The following DBT variants were observed in gnomAD, a reference collection of about 807,000 sequenced individuals.
DBT encodes the protein lipoamide acyltransferase component of branched-chain alpha-keto acid dehydrogenase complex, mitochondrial.
In DBT, 40 loss-of-function variants were observed where a neutral mutation model predicts 51.3. The observed-to-expected ratio is 0.78, with a 90% CI of 0.61 to 1.02. DBT has a LOEUF of 1.02. Ranked by LOEUF, DBT falls within the 50% of genes least tolerant of loss-of-function variation. The pLI, the probability that DBT is intolerant of heterozygous loss-of-function variation, is 0.00. For missense variants in DBT, 510 were observed against 580.2 expected, an observed-to-expected ratio of 0.88 and a Z score of 1.24; for synonymous variants, 181 against 190.4, an observed-to-expected ratio of 0.95 and a Z score of 0.41.
chr1:100,223,151 T>C (rs1662970906), intron 4 of DBT, among the ~76,000 whole-genome samples: 1 of 152,162 alleles, frequency 6.6e-6, no homozygotes, highest in Admixed American at 6.5e-5. Context: ...TTACTCAATA[T>C]CCTCACTTTA....
In DBT at chr1:100,219,512, G is replaced by A. The variant is rs1332086487; in HGVS notation, c.434-765C>T. Among the ~76,000 whole-genome samples the A allele has an allele frequency of 3.9e-5, 6 of 152,148 alleles. 1 individual carries two copies. The South Asian group carries it at 1.2e-3, about 32-fold the overall frequency. ...CCTAACACTCTAGCAGGCCAAGGTG[G>A]GTGGATCACTTACTTGAGCCTAGGA... On this transcript the variant is annotated intron_variant, in intron 4 of 10. Coordinates refer to ENST00000370132, the MANE Select transcript of DBT (RefSeq NM_001918.5).
At chr1:100,239,776 T>A (rs1387114819) in intron 2 of DBT, among the ~76,000 whole-genome samples, 1 of 146,904 alleles carries the variant, frequency 6.8e-6, no homozygotes, top group African/African-American at 2.6e-5. Flanking sequence ...GGCAGGAGGA[T>A]CATTTGAGCC....
chr1:100,196,264 A>T lies in DBT; in HGVS notation c.1440T>A (p.Asp480Glu), dbSNP rs769122253. The T allele has an allele frequency of 2.5e-6, 4 of 1,613,826 alleles. No individual in the cohort carries two copies. The South Asian group carries it at 4.4e-5, about 18-fold the overall frequency. ...AATGTCTTATCAGTCTTCATTTCAG[A>T]TCTAGTAGCATAAAAGCTGGGTTTT... ...YLENPAFMLL[D>E]LK The change falls in exon 11 of 11, where the codon GAT becomes GAA. Residue 480 changes from aspartate (D) to glutamate (E), a missense_variant. Coordinates refer to ENST00000370132, the MANE Select transcript of DBT (RefSeq NM_001918.5).
intron 8 of DBT, among the ~76,000 whole-genome samples, chr1:100,208,756 A>G (rs1661945063): frequency 6.6e-6 from 1 of 151,446 alleles, no homozygotes; most frequent in Non-Finnish European, 1.5e-5. Context: ...AAAAGTACAA[A>G]AATTAGCTGG....
intron 3 of DBT, 54 bp from the exon 4 acceptor site, chr1:100,230,968 A>G (rs914307433): frequency 9.3e-7 from 1 of 1,072,406 alleles, no homozygotes; most frequent in Non-Finnish European, 1.4e-6. Context: ...AGTACAGATC[A>G]TATTAAGGAT....
intron 10 of DBT, among the ~76,000 whole-genome samples, chr1:100,205,639 A>C (rs930738424): frequency 7.2e-5 from 11 of 152,240 alleles, no homozygotes; most frequent in Non-Finnish European, 1.5e-4. Context: ...TACTATAAAG[A>C]CACATGCACA....
rs1053895588 is a variant in DBT, at chr1:100,187,865, G to A, written c.*8390C>T. ...AATGTGGAAGCTGTGACAAATTTTT[G>A]TATTTAGAAAGTATGACAATCTGAA... On this transcript the variant is annotated 3_prime_UTR_variant, in exon 11 of 11. Transcript: ENST00000370132. The A allele has an allele frequency of 2.0e-5, 3 of 152,078 alleles. No individual in the cohort carries two copies. Among genetic ancestry groups the A allele is most frequent in the African/African-American group, 7.2e-5 (3 of 41,408 alleles). The allele number at this position is 152,078 out of a possible 1,614,324, so 9.4% of individuals were successfully genotyped here. A position where few individuals can be genotyped will look rare whatever the true frequency, so the allele number is the denominator to read the frequency against.
intron 3 of DBT, among the ~76,000 whole-genome samples, chr1:100,234,750 A>G (rs1003983508): frequency 1.3e-5 from 2 of 152,202 alleles, no homozygotes; most frequent in African/African-American, 4.8e-5. Context: ...AGACATAACC[A>G]TAAGGTATGT....
At chr1:100,235,597 TCAGG>T (rs1663818102) in intron 2 of DBT, 86 bp from the exon 3 acceptor site, 1 of 745,084 alleles carries the variant, frequency 1.3e-6, no homozygotes, top group Admixed American at 2.0e-5. Flanking sequence ...GAGAATGTTC[TCAGG>T]CAGAGGCAGA....
chr1:100,225,363 AG>A (rs1194492212), intron 4 of DBT, among the ~76,000 whole-genome samples: 15 of 152,008 alleles, frequency 9.9e-5, no homozygotes, highest in Admixed American at 9.8e-4. Flanking sequence ...TCTTTCACTC[AG>A]CATAATTTCT....
At chr1:100,237,026 G>A (rs774971069) in intron 2 of DBT, among the ~76,000 whole-genome samples, 4 of 152,204 alleles carry the variant, frequency 2.6e-5, no homozygotes, top group African/African-American at 7.2e-5. Flanking sequence ...TCAGGAGGCC[G>A]AGTCTATTTC....
intron 1 of DBT, chr1:100,249,073 A>T: frequency 1.0e-6 from 1 of 987,464 alleles, no homozygotes. Flanking sequence ...CGGGGTCACC[A>T]AGGCAGGAGC....
rs1204843351 is a variant in DBT at position 100,244,926 on chromosome 1, A to G, written c.52-4042T>C. 2.0e-5 allele frequency among the ~76,000 whole-genome samples: 3 copies of G among 152,206 alleles called. No individual in the cohort carries two copies. In the East Asian group the frequency reaches 5.8e-4, roughly 29 times the overall value. On this transcript the variant is annotated intron_variant, in intron 1 of 10. Transcript: ENST00000370132. The stretch of plus-strand genomic sequence containing the variant: ...AAGCAACAGGCTCCTGACTGAGGTA[A>G]TTAATAGTAGAAAAAGAAAAAAAGC...
intron 7 of DBT, among the ~76,000 whole-genome samples, chr1:100,213,917 G>A (rs187420064): frequency 5.6e-5 from 6 of 106,396 alleles, no homozygotes; most frequent in Admixed American, 5.5e-4. Context: ...AGAAAGGTGA[G>A]AAATAATCTT....
At chr1:100,237,259 C>T (rs542017684) in intron 2 of DBT, among the ~76,000 whole-genome samples, 1 of 152,288 alleles carries the variant, frequency 6.6e-6, no homozygotes, top group South Asian at 2.1e-4. Context: ...ATCGGAAACC[C>T]AGCATGAATG....
intron 1 of DBT, among the ~76,000 whole-genome samples, chr1:100,241,401 T>C (rs1664201041): frequency 6.6e-6 from 1 of 151,538 alleles, no homozygotes; most frequent in Non-Finnish European, 1.5e-5. Flanking sequence ...TGTGTGTGTG[T>C]GTGTGTGTAT....
chr1:100,206,149 AC>A (rs1661767506), intron 10 of DBT, 80 bp downstream of exon 10: 1 of 910,632 alleles, frequency 1.1e-6, no homozygotes, highest in Admixed American at 2.1e-5. Context: ...AGGAGGGGAA[AC>A]CTTAGAAATG....
chr1:100,210,836 C>A (rs1311714731), intron 7 of DBT, 65 bp from the exon 8 acceptor site: 33 of 1,596,958 alleles, frequency 2.1e-5, no homozygotes, highest in Non-Finnish European at 2.7e-5. Flanking sequence ...GAATTTGAAA[C>A]AATAAGAGGT....
At chr1:100,211,259 G>A in intron 7 of DBT, 1 of 644,030 alleles carries the variant, frequency 1.6e-6, no homozygotes, top group African/African-American at 1.8e-5. Context: ...GAAGGGCAGA[G>A]ATGTCCTGAA....
Sources: allele counts gnomAD v4.1 joint callset (sites outside exome capture counted in the v4.1 genomes callset), GRCh38; gene constraint gnomAD v4.1.1; transcripts MANE v1.5; gene names NCBI Gene and HGNC (gene_info 2026-07-23, HGNC 2026-07-21).